CDH12: variants seen among roughly 807,000 people sequenced by gnomAD.
CDH12 encodes cadherin-12.
Under a neutral mutation model 74.1 loss-of-function variants are expected in CDH12, and 41 were observed. The ratio of observed to expected loss-of-function variants is 0.55; its 90% CI spans 0.43 to 0.72. CDH12 has a LOEUF of 0.72. Among genes scored for constraint, CDH12 ranks in the 30% least tolerant of loss-of-function variants. The pLI, the probability that CDH12 is intolerant of heterozygous loss-of-function variation, is 0.00. For missense variants in CDH12, 945 were observed against 977.2 expected, an observed-to-expected ratio of 0.97 and a Z score of 0.44; for synonymous variants, 399 against 355.0, an observed-to-expected ratio of 1.12 and a Z score of -1.39.
At chr5:22,772,204 A>G (rs543389511) in intron 1 of CDH12, among the ~76,000 whole-genome samples, 1 of 152,200 alleles carries the variant, frequency 6.6e-6, no homozygotes, top group South Asian at 2.1e-4. Context: ...ACCTGAAATA[A>G]AAATGGAACT....
intron 4 of CDH12, among the ~76,000 whole-genome samples, chr5:22,186,052 A>G (rs1221052778): frequency 6.6e-6 from 1 of 152,212 alleles, no homozygotes; most frequent in Admixed American, 6.5e-5. Flanking sequence ...GCATCTGGGC[A>G]TCTTCTCAGG....
At chr5:22,407,876 G>C (rs1355732623) in intron 2 of CDH12, among the ~76,000 whole-genome samples, 5 of 151,990 alleles carry the variant, frequency 3.3e-5, no homozygotes, top group African/African-American at 1.2e-4. Context: ...TAGACTACCT[G>C]TTCAATTATA....
intron 3 of CDH12, among the ~76,000 whole-genome samples, chr5:22,390,940 T>C (rs539579972): frequency 4.6e-5 from 7 of 152,256 alleles, no homozygotes; most frequent in African/African-American, 1.7e-4. Context: ...ATCTCTCTAG[T>C]TACTGATGAG....
intron 1 of CDH12, among the ~76,000 whole-genome samples, chr5:22,595,877 A>G (rs1217214740): frequency 6.6e-6 from 1 of 152,042 alleles, no homozygotes; most frequent in Non-Finnish European, 1.5e-5. Context: ...GGAGCTCGAG[A>G]CCATCCTGGC....
Position 22,781,345 on chromosome 5 carries a change from G to A in CDH12, c.-523+71713C>T, listed in dbSNP as rs1178184161. ...TACACATTTTCAGTTTCAAAAACAG[G>A]AATTGAAATTGGAAAGTGCCTGGGG... On this transcript the variant is annotated intron_variant, in intron 1 of 14. Transcript: ENST00000382254. Among the ~76,000 whole-genome samples the A allele has an allele frequency of 2.0e-5, 3 of 152,262 alleles. No homozygotes were observed. In the East Asian group the frequency reaches 5.8e-4, roughly 29 times the overall value.
intron 4 of CDH12, among the ~76,000 whole-genome samples, chr5:22,118,636 C>T (rs1745315449): frequency 6.6e-6 from 1 of 151,990 alleles, no homozygotes; most frequent in South Asian, 2.1e-4. Flanking sequence ...AAAATGTCTG[C>T]CTTTTCTGAT....
chr5:22,192,929 C>A (rs1750390218), intron 4 of CDH12, among the ~76,000 whole-genome samples: 1 of 152,026 alleles, frequency 6.6e-6, no homozygotes, highest in Admixed American at 6.5e-5. Context: ...AGAGTGAAGG[C>A]CTGTACTTAA....
At chr5:22,780,131 A>G (rs1344354166) in intron 1 of CDH12, among the ~76,000 whole-genome samples, 1 of 152,112 alleles carries the variant, frequency 6.6e-6, no homozygotes, top group Non-Finnish European at 1.5e-5. Context: ...CGTTTTTGCA[A>G]TCCCAGCACT....
intron 3 of CDH12, among the ~76,000 whole-genome samples, chr5:22,390,149 C>A (rs1019683381): frequency 6.6e-6 from 1 of 151,964 alleles, no homozygotes; most frequent in Non-Finnish European, 1.5e-5. Flanking sequence ...GGCCTAGAAG[C>A]CACTGAAAAC....
chr5:22,185,200 T>TCTC (rs373424464), intron 4 of CDH12, among the ~76,000 whole-genome samples: 1 of 52,626 alleles, frequency 1.9e-5, no homozygotes, highest in South Asian at 4.3e-4. Flanking sequence ...TCTCTCTCTC[T>TCTC]TTTTTTTTTT....
At chr5:22,406,517 T>C (rs1003279680) in intron 2 of CDH12, among the ~76,000 whole-genome samples, 1 of 152,180 alleles carries the variant, frequency 6.6e-6, no homozygotes. Context: ...TGATACCGTC[T>C]CTCAAAATAT....
intron 3 of CDH12, among the ~76,000 whole-genome samples, chr5:22,248,340 A>C (rs567042824): frequency 6.6e-6 from 1 of 151,812 alleles, no homozygotes; most frequent in East Asian, 1.9e-4. Flanking sequence ...AACAAATCAC[A>C]TTTTCCCATT....
At chr5:21,841,206 CAGACACTTCTCAAAAGA>C (rs1749827856) in intron 8 of CDH12, among the ~76,000 whole-genome samples, 1 of 151,640 alleles carries the variant, frequency 6.6e-6, no homozygotes, top group African/African-American at 2.4e-5. Context: ...AGGATATGAA[CAGACACTTCTCAAAAGA>C]AGACATTTAT....
chr5:22,639,602 C>T (rs1561545224), intron 1 of CDH12, among the ~76,000 whole-genome samples: 1 of 151,984 alleles, frequency 6.6e-6, no homozygotes, highest in Non-Finnish European at 1.5e-5. Context: ...GAGTTCTGAA[C>T]GTGCTAGTTT....
At chr5:22,244,494 CAAAAAAAAAAAAAAAAAAA>C (rs869135014) in intron 3 of CDH12, among the ~76,000 whole-genome samples, 1 of 31,392 alleles carries the variant, frequency 3.2e-5, no homozygotes, top group African/African-American at 1.4e-4. Flanking sequence ...GACTCTGCCT[CAAAAAAAAAAAAAAAAAAA>C]AAAAAAAAAA....
intron 5 of CDH12, among the ~76,000 whole-genome samples, chr5:22,018,489 C>T (rs1436778306): frequency 2.0e-5 from 3 of 152,190 alleles, no homozygotes; most frequent in Non-Finnish European, 2.9e-5. Context: ...GCTGCACATA[C>T]GTTGGAACTT....
chr5:21,806,542 T>C lies in CDH12; in HGVS notation c.1003-4122A>G, dbSNP rs574664997. On this transcript the variant is annotated intron_variant, in intron 9 of 14. Coordinates refer to ENST00000382254, the MANE Select transcript of CDH12 (RefSeq NM_004061.5). Reference sequence around the variant, plus strand: ...CCATGCTCTGGGCCACCATTCTTTCTGTAACCTTGAGATGGTGATTAGATT... The same window carrying C: ...CCATGCTCTGGGCCACCATTCTTTCCGTAACCTTGAGATGGTGATTAGATT... 1.2e-4 allele frequency among the ~76,000 whole-genome samples: 18 copies of C among 152,294 alleles called. No individual in the cohort carries two copies. The East Asian group carries it at 3.1e-3, about 26-fold the overall frequency.
intron 3 of CDH12, among the ~76,000 whole-genome samples, chr5:22,387,128 C>T (rs1742031128): frequency 6.6e-6 from 1 of 151,836 alleles, no homozygotes; most frequent in South Asian, 2.1e-4. Flanking sequence ...TATCCTGTGC[C>T]TAGAAAATAG....
Position 22,660,539 on chromosome 5 carries a change from G to A in CDH12, c.-522-155175C>T, listed in dbSNP as rs143808120. 5.3e-5 allele frequency among the ~76,000 whole-genome samples: 8 copies of A among 152,284 alleles called. No individual in the cohort carries two copies. In the East Asian group the frequency reaches 1.5e-3, roughly 29 times the overall value. ...GGATCCTCTCGTCTCAGCCCCCGGA[G>A]TAGCTGTGACTACAGGCATGCATCA... On this transcript the variant is annotated intron_variant, in intron 1 of 14. Coordinates refer to ENST00000382254, the MANE Select transcript of CDH12 (RefSeq NM_004061.5).
Sources: allele counts gnomAD v4.1 joint callset (sites outside exome capture counted in the v4.1 genomes callset), GRCh38; gene constraint gnomAD v4.1.1; transcripts MANE v1.5; gene names NCBI Gene and HGNC (gene_info 2026-07-23, HGNC 2026-07-21).